The following FSTL5 variants were observed in gnomAD, a reference collection of about 807,000 sequenced individuals.
FSTL5 encodes the protein follistatin like 5.
A neutral mutation model predicts 89.1 loss-of-function variants in FSTL5; 62 were observed. The ratio of observed to expected loss-of-function variants is 0.70; its 90% CI spans 0.57 to 0.86. The LOEUF (loss-of-function observed/expected upper bound fraction) is 0.86, where lower values mean the gene tolerates loss of function less well. FSTL5 is among the 40% of genes least tolerant of loss of function. The pLI is 0.00. For synonymous variants in FSTL5, 383 were observed against 346.2 expected, an observed-to-expected ratio of 1.11 and a Z score of -1.18; for missense variants, 1,057 against 1,001.6, an observed-to-expected ratio of 1.06 and a Z score of -0.75.
chr4:161,543,506 C>A (rs1731903643), intron 8 of FSTL5, among the ~76,000 whole-genome samples: 1 of 151,600 alleles, frequency 6.6e-6, no homozygotes, highest in Non-Finnish European at 1.5e-5. Flanking sequence ...TTACAGGAGA[C>A]CCCCAAGTGG....
intron 1 of FSTL5, among the ~76,000 whole-genome samples, chr4:162,155,929 A>G (rs1733451527): frequency 6.6e-6 from 1 of 152,234 alleles, no homozygotes; most frequent in Non-Finnish European, 1.5e-5. Flanking sequence ...TGTAAAAATT[A>G]GAGATCTAAT....
chr4:162,156,100 T>C (rs928433633), intron 1 of FSTL5, among the ~76,000 whole-genome samples: 4 of 152,146 alleles, frequency 2.6e-5, no homozygotes, highest in Non-Finnish European at 5.9e-5. Flanking sequence ...GGGCAATACC[T>C]TAAGACTTGG....
At chr4:162,000,899 G>C (rs1174998826) in intron 3 of FSTL5, among the ~76,000 whole-genome samples, 1 of 152,028 alleles carries the variant, frequency 6.6e-6, no homozygotes, top group Non-Finnish European at 1.5e-5. Flanking sequence ...GGAGGGAAGA[G>C]GGAGGGAAGG....
chr4:161,401,099 T>G (rs1731164577), intron 15 of FSTL5, among the ~76,000 whole-genome samples: 1 of 152,174 alleles, frequency 6.6e-6, no homozygotes, highest in Non-Finnish European at 1.5e-5. Flanking sequence ...GTGGTTTTAT[T>G]GCAAACTGAT....
intron 5 of FSTL5, among the ~76,000 whole-genome samples, chr4:161,768,666 T>C (rs1178796156): frequency 1.3e-5 from 2 of 151,916 alleles, no homozygotes; most frequent in Admixed American, 1.3e-4. Context: ...ATTTTGCAAA[T>C]GGATGTTTTT....
At chr4:161,682,066 T>A (rs1025495157) in intron 6 of FSTL5, among the ~76,000 whole-genome samples, 5 of 152,190 alleles carry the variant, frequency 3.3e-5, no homozygotes, top group African/African-American at 1.2e-4. Flanking sequence ...TGTAACACAA[T>A]GGACAGCATT....
intron 7 of FSTL5, among the ~76,000 whole-genome samples, chr4:161,655,624 A>C (rs1016557225): frequency 2.6e-5 from 4 of 152,190 alleles, no homozygotes; most frequent in African/African-American, 9.6e-5. Context: ...AAAGTAAAAA[A>C]GAATATCTAT....
At chr4:161,525,558 CA>C (rs1214531639) in intron 10 of FSTL5, among the ~76,000 whole-genome samples, 4 of 152,062 alleles carry the variant, frequency 2.6e-5, no homozygotes, top group Non-Finnish European at 5.9e-5. Flanking sequence ...TGGTTCAATA[CA>C]AATACTCAAT....
chr4:161,437,028 T>C (rs938085898), intron 15 of FSTL5, among the ~76,000 whole-genome samples: 7 of 152,144 alleles, frequency 4.6e-5, no homozygotes, highest in Admixed American at 2.0e-4. Flanking sequence ...AAGACAAATA[T>C]GTCAACAAAT....
chr4:161,671,554 A>C (rs549994542), intron 6 of FSTL5, among the ~76,000 whole-genome samples: 2 of 152,276 alleles, frequency 1.3e-5, no homozygotes, highest in African/African-American at 4.8e-5. Context: ...AGACACATGT[A>C]AGTTTTAAAA....
intron 1 of FSTL5, among the ~76,000 whole-genome samples, chr4:162,114,021 A>G (rs1219704876): frequency 6.6e-6 from 1 of 152,212 alleles, no homozygotes; most frequent in Non-Finnish European, 1.5e-5. Flanking sequence ...GCCCAGAACA[A>G]TACATGAATG....
chr4:161,917,246 G>A (rs946863108), intron 4 of FSTL5, among the ~76,000 whole-genome samples: 2 of 152,100 alleles, frequency 1.3e-5, no homozygotes, highest in Non-Finnish European at 2.9e-5. Flanking sequence ...ATGAGCCACC[G>A]CGCCCAACCT....
chr4:161,632,074 A>C (rs1020227474), intron 7 of FSTL5, among the ~76,000 whole-genome samples: 2 of 152,150 alleles, frequency 1.3e-5, no homozygotes, highest in African/African-American at 4.8e-5. Flanking sequence ...GCACAGAAGT[A>C]AATTTTTAAG....
At chr4:161,819,331 A>G (rs1359467074) in intron 4 of FSTL5, among the ~76,000 whole-genome samples, 1 of 152,146 alleles carries the variant, frequency 6.6e-6, no homozygotes, top group Non-Finnish European at 1.5e-5. Flanking sequence ...TAACTGACTC[A>G]ACAAACAGAA....
At chr4:161,421,340 CAAA>C (rs57798544) in intron 15 of FSTL5, among the ~76,000 whole-genome samples, 5 of 115,150 alleles carry the variant, frequency 4.3e-5, no homozygotes, top group Admixed American at 8.4e-5. Flanking sequence ...AAGACTGTCT[CAAA>C]AAAAAAAAAA....
chr4:161,860,286 T>TCAAACAAACAAACAAA (rs10690156), intron 4 of FSTL5, among the ~76,000 whole-genome samples: 1 of 149,798 alleles, frequency 6.7e-6, no homozygotes, highest in African/African-American at 2.5e-5. Context: ...AGACTCCGTC[T>TCAAACAAACAAACAAA]CAAACAAACA....
chr4:161,389,937 AAAAT>A (rs200681848), intron 15 of FSTL5, among the ~76,000 whole-genome samples: 2,271 of 152,290 alleles, frequency 0.015, 49 homozygotes, highest in African/African-American at 0.051. Flanking sequence ...TACAACGTTA[AAAAT>A]AAATAGTGTT....
chr4:162,001,777 A>G (rs1736472482), intron 3 of FSTL5, among the ~76,000 whole-genome samples: 1 of 152,162 alleles, frequency 6.6e-6, no homozygotes. Context: ...TCACCTTATT[A>G]GGGCCAAAGT....
chr4:161,705,954 A>G (rs10003542), intron 6 of FSTL5, among the ~76,000 whole-genome samples: 1 of 27,330 alleles, frequency 3.7e-5, no homozygotes, highest in African/African-American at 2.0e-4. Context: ...AGATGTGTGT[A>G]TATATATATA....
Sources: gnomAD v4.1 joint callset for allele counts (sites outside exome capture counted in the v4.1 genomes callset) on GRCh38, gnomAD v4.1.1 for gene constraint, MANE v1.5 for transcripts, NCBI Gene and HGNC (gene_info 2026-07-23, HGNC 2026-07-21) for gene names.